Variants in ATP8A1 observed in about 807,000 individuals in gnomAD.
ATP8A1 encodes the protein ATPase phospholipid transporting 8A1, also known as phospholipid-transporting ATPase IA.
A neutral mutation model predicts 177.7 loss-of-function variants in ATP8A1; 90 were observed. The observed-to-expected ratio is 0.51, with a 90% CI of 0.43 to 0.60. The LOEUF (loss-of-function observed/expected upper bound fraction) is 0.60. Among genes scored for constraint, ATP8A1 ranks in the 20% least tolerant of loss-of-function variants. The pLI is 0.00. For synonymous variants in ATP8A1, 493 were observed against 485.9 expected (o/e 1.01, Z -0.19); for missense variants, 1,072 against 1,392.8 (o/e 0.77, Z 3.67).
At chr4:42,543,154 G>A (rs1160999512) in intron 20 of ATP8A1, among the ~76,000 whole-genome samples, 1 of 152,096 alleles carries the variant, frequency 6.6e-6, no homozygotes, top group East Asian at 1.9e-4. Flanking sequence ...TTTAAACCAA[G>A]GCATTTAACA....
intron 5 of ATP8A1, among the ~76,000 whole-genome samples, chr4:42,605,732 AT>A (rs1205910797): frequency 6.6e-6 from 1 of 152,170 alleles, no homozygotes; most frequent in African/African-American, 2.4e-5. Flanking sequence ...CCTTTTGCGA[AT>A]CTTTGTCTCC....
intron 5 of ATP8A1, among the ~76,000 whole-genome samples, chr4:42,603,051 A>G (rs1364629220): frequency 6.6e-6 from 1 of 152,116 alleles, no homozygotes; most frequent in Non-Finnish European, 1.5e-5. Context: ...CAATAGTAAT[A>G]CTTAGTTTTT....
chr4:42,576,999 T>C (rs1009846245), intron 12 of ATP8A1, among the ~76,000 whole-genome samples: 5 of 152,246 alleles, frequency 3.3e-5, no homozygotes, highest in Non-Finnish European at 5.9e-5. Context: ...AAGACAGTTA[T>C]AATCTCATTT....
intron 4 of ATP8A1, among the ~76,000 whole-genome samples, chr4:42,616,502 T>C (rs1736930400): frequency 6.6e-6 from 1 of 152,214 alleles, no homozygotes; most frequent in Non-Finnish European, 1.5e-5. Flanking sequence ...TATTGAAATA[T>C]TTTCAGCTTA....
At chr4:42,459,617 T>C (rs1248952211) in intron 27 of ATP8A1, 2 of 224,882 alleles carry the variant, frequency 8.9e-6, no homozygotes, top group Admixed American at 1.1e-4. Flanking sequence ...AGAAAAGAAC[T>C]ACACATTTAT....
intron 25 of ATP8A1, among the ~76,000 whole-genome samples, chr4:42,479,233 T>C (rs920142210): frequency 6.6e-6 from 1 of 152,078 alleles, no homozygotes; most frequent in Non-Finnish European, 1.5e-5. Flanking sequence ...AACTGCAGAG[T>C]TGAGTAGCTG....
intron 24 of ATP8A1, among the ~76,000 whole-genome samples, chr4:42,501,387 G>T (rs1038002978): frequency 6.6e-6 from 1 of 152,228 alleles, no homozygotes; most frequent in Non-Finnish European, 1.5e-5. Flanking sequence ...CTGGCTCAGA[G>T]AAGCTGATTT....
chr4:42,620,838 G>A (rs1377040140), intron 4 of ATP8A1, among the ~76,000 whole-genome samples: 5 of 152,262 alleles, frequency 3.3e-5, no homozygotes, highest in African/African-American at 1.2e-4. Flanking sequence ...TGGATAGGAC[G>A]GAATTCTGAT....
intron 22 of ATP8A1, among the ~76,000 whole-genome samples, chr4:42,513,683 C>G (rs1725237240): frequency 6.6e-6 from 1 of 152,096 alleles, no homozygotes; most frequent in African/African-American, 2.4e-5. Flanking sequence ...GCTGGAAAAG[C>G]CAGCAGGGAA....
At chr4:42,567,825 C>T (rs139651804) in intron 15 of ATP8A1, among the ~76,000 whole-genome samples, 14 of 152,192 alleles carry the variant, frequency 9.2e-5, no homozygotes, top group African/African-American at 3.4e-4. Context: ...TTTTGAATGA[C>T]GTGAGTAAAC....
At chr4:42,460,581 G>A (rs981491946) in intron 27 of ATP8A1, among the ~76,000 whole-genome samples, 1 of 151,962 alleles carries the variant, frequency 6.6e-6, no homozygotes, top group Non-Finnish European at 1.5e-5. Context: ...TAGGGACGGG[G>A]TTTCACCATG....
intron 4 of ATP8A1, among the ~76,000 whole-genome samples, chr4:42,617,231 G>A (rs1654566883): frequency 6.6e-6 from 1 of 152,186 alleles, no homozygotes; most frequent in Admixed American, 6.5e-5. Context: ...CATACACTCA[G>A]TCTGTGGAAA....
intron 20 of ATP8A1, among the ~76,000 whole-genome samples, chr4:42,534,955 T>C (rs1287918272): frequency 6.6e-6 from 1 of 152,118 alleles, no homozygotes; most frequent in Non-Finnish European, 1.5e-5. Context: ...GAAAAACAAA[T>C]GCTCAGAGAA....
At chr4:42,466,899 G>C (rs555533228) in intron 25 of ATP8A1, among the ~76,000 whole-genome samples, 9 of 152,152 alleles carry the variant, frequency 5.9e-5, no homozygotes, top group Non-Finnish European at 1.0e-4. Context: ...TGTCAAAAAG[G>C]AATGCTCACC....
chr4:42,555,139 A>ATCTATCT lies in ATP8A1; in HGVS notation c.1413+828_1413+829insAGATAGA, dbSNP rs1553903246. Reference sequence around the variant, plus strand: ...TATCTATCTATCTATCTATCTATCTAATCTATCTATCTATCTATCTATCTA... The same window carrying ATCTATCT: ...TATCTATCTATCTATCTATCTATCTATCTATCTATCTATCTATCTATCTATCTATCTA... On this transcript the variant is annotated intron_variant, in intron 16 of 36. Transcript: ENST00000381668. Among the ~76,000 whole-genome samples the ATCTATCT allele has an allele frequency of 3.8e-3, 225 of 59,418 alleles. 4 individuals are homozygous for ATCTATCT. Among genetic ancestry groups the ATCTATCT allele is most frequent in the Admixed American group, 4.1e-3 (25 of 6,092 alleles). The allele number at this position is 59,418 out of a possible 152,430, so 39.0% of individuals were successfully genotyped here.
chr4:42,443,457 T>C (rs1716853708), intron 33 of ATP8A1, 108 bp downstream of exon 33: 1 of 586,304 alleles, frequency 1.7e-6, no homozygotes, highest in Non-Finnish European at 3.1e-6. Context: ...TCAAATCCTA[T>C]TTTAATATAA....
chr4:42,643,948 GCTTCAAGCGTAGTT>G (rs1447885304), intron 1 of ATP8A1, among the ~76,000 whole-genome samples: 12 of 152,296 alleles, frequency 7.9e-5, no homozygotes, highest in Admixed American at 7.2e-4. Context: ...GTTAAAGATA[GCTTCAAGCGTAGTT>G]ATGTCACAAA....
intron 33 of ATP8A1, 148 bp from the exon 34 acceptor site, chr4:42,423,853 C>A: frequency 2.0e-6 from 1 of 491,052 alleles, no homozygotes; most frequent in Non-Finnish European, 3.7e-6. Flanking sequence ...ATGAAATTAA[C>A]TTAGAATATC....
intron 1 of ATP8A1, among the ~76,000 whole-genome samples, chr4:42,646,578 C>G (rs1740560689): frequency 6.6e-6 from 1 of 152,178 alleles, no homozygotes; most frequent in Non-Finnish European, 1.5e-5. Flanking sequence ...ATCTCTTTGA[C>G]TCAACCCTGC....
Sources: gnomAD v4.1 joint callset for allele counts (sites outside exome capture counted in the v4.1 genomes callset) on GRCh38, gnomAD v4.1.1 for gene constraint, MANE v1.5 for transcripts, NCBI Gene and HGNC (gene_info 2026-07-23, HGNC 2026-07-21) for gene names.